The following TCHP variants were observed in gnomAD, a reference collection of about 807,000 sequenced individuals.
TCHP encodes trichoplein keratin filament-binding protein.
A neutral mutation model predicts 88.7 loss-of-function variants in TCHP; 81 were observed. The ratio of observed to expected loss-of-function variants is 0.91; its 90% CI spans 0.76 to 1.10. TCHP has a LOEUF of 1.10. Among genes scored for constraint, TCHP ranks in the 50% least tolerant of loss-of-function variants. The probability of loss-of-function intolerance (pLI) is 0.00; values close to 1 mark genes in which losing one functional copy is unlikely to be tolerated. For missense variants in TCHP, 641 were observed against 632.1 expected (o/e 1.01, Z -0.15); for synonymous variants, 232 against 232.5 (o/e 1.00, Z 0.02).
In TCHP at chr12:109,903,778, A is replaced by G. The variant is rs1275067609; in HGVS notation, c.189-159A>G. On this transcript the variant is annotated intron_variant, in intron 2 of 12. Coordinates refer to ENST00000405876, the MANE Select transcript of TCHP (RefSeq NM_001143852.2). This position sits in a 1 kb window ranked among gnomAD's most constrained non-coding sequence, Gnocchi z 4.6. ...TGCAAAAAACAAGATTTTCTCTTAC[A>G]CATACTATTCTGTGACCTGCTGTCT... 6.6e-6 allele frequency among the ~76,000 whole-genome samples: 1 copy of G among 152,188 alleles called. No homozygotes were observed. Among genetic ancestry groups the G allele is most frequent in the Non-Finnish European group, 1.5e-5 (1 of 68,030 alleles).
Position 109,911,215 on chromosome 12 carries a change from A to G in TCHP, c.1032A>G (p.Ala344=), listed in dbSNP as rs1257440061. The G allele has an allele frequency of 6.3e-7, 1 of 1,577,482 alleles. No individual in the cohort carries two copies. The highest frequency in any genetic ancestry group is 2.3e-5 in the East Asian group (1 of 43,672). The change falls in exon 9 of 13, where the codon GCA becomes GCG. Residue 344 remains alanine, a synonymous_variant. Coordinates refer to ENST00000405876, the MANE Select transcript of TCHP (RefSeq NM_001143852.2). ...EQLQLERARE[A]ELQMLLREEA... is the part of the protein sequence containing the mutation. ...TGCAGCTGGAGCGGGCGCGGGAGGC[A>G]GAGCTGCAGATGCTGCTGAGGTGAG...
chr12:109,903,132 C>T lies in TCHP; in HGVS notation c.106C>T (p.Gln36Ter), dbSNP rs764734241. The change falls in exon 2 of 13, where the codon CAG (glutamine) becomes TAG (stop). Residue 36 changes from glutamine (Q) to a stop codon, truncating the protein, a stop_gained. Coordinates refer to ENST00000405876, the MANE Select transcript of TCHP (RefSeq NM_001143852.2). LOFTEE classifies it high-confidence loss of function. This position sits in a 1 kb window ranked among gnomAD's most constrained non-coding sequence, Gnocchi z 4.6. Reference sequence around the variant, plus strand: ...GGCCCGGCTTCGGCAGCAGTGGGAGCAGAACAGCCGTTACTTCAGGATGTC... The same window carrying T: ...GGCCCGGCTTCGGCAGCAGTGGGAGTAGAACAGCCGTTACTTCAGGATGTC... ...QEARLRQQWE[Q>*]NSRYFRMSDI... The T allele has an allele frequency of 1.2e-6, 2 of 1,613,866 alleles. No homozygotes were observed. The highest frequency in any genetic ancestry group is 3.3e-5 in the Admixed American group (2 of 59,988).
At position 109,903,337 on chromosome 12, in the gene TCHP, G is replaced by A; in HGVS notation, c.188+123G>A. On this transcript the variant is annotated intron_variant, in intron 2 of 12. Coordinates refer to ENST00000405876, the MANE Select transcript of TCHP (RefSeq NM_001143852.2). The surrounding 1 kb of genome is among the most constrained non-coding windows in gnomAD (Gnocchi z 4.6). ...CAGTATGAATTACCTGCATGGTGATGTTTTTCCAGCTGGAAATGGAAAAAA... is the reference window on the plus strand; with the variant it reads ...CAGTATGAATTACCTGCATGGTGATATTTTTCCAGCTGGAAATGGAAAAAA... The A allele has an allele frequency of 1.2e-6, 1 of 853,932 alleles. No individual in the cohort carries two copies. The highest frequency in any genetic ancestry group is 1.8e-6 in the Non-Finnish European group (1 of 571,370). The allele number at this position is 853,932 out of a possible 1,614,324, so 52.9% of individuals were successfully genotyped here.
the TCHP span, among the ~76,000 whole-genome samples, chr12:109,882,525 AG>A: frequency 6.6e-6 from 1 of 150,974 alleles, no homozygotes; most frequent in East Asian, 1.9e-4. Flanking sequence ...TCGGGGGGCC[AG>A]GGGAGGAAAT....
the TCHP span, among the ~76,000 whole-genome samples, chr12:109,893,222 A>G: frequency 6.6e-6 from 1 of 152,066 alleles, no homozygotes; most frequent in Non-Finnish European, 1.5e-5. Flanking sequence ...TCTACTAAAA[A>G]TACAAAATTA....
At chr12:109,889,255 C>T in the TCHP span, among the ~76,000 whole-genome samples, 20 of 152,134 alleles carry the variant, frequency 1.3e-4, no homozygotes, top group African/African-American at 4.3e-4. Context: ...AGGCAGATCA[C>T]GAGGTCAGGA....
chr12:109,886,471 A>C, the TCHP span, among the ~76,000 whole-genome samples: 10 of 151,932 alleles, frequency 6.6e-5, no homozygotes, highest in African/African-American at 2.4e-4. Context: ...AAATTGTCCA[A>C]GATTTGGCCA....
At chr12:109,901,579 A>G (rs1219786198) in intron 1 of TCHP, among the ~76,000 whole-genome samples, 1 of 152,264 alleles carries the variant, frequency 6.6e-6, no homozygotes, top group African/African-American at 2.4e-5. Flanking sequence ...GATTTTGCTC[A>G]AAAGATAACA....
intron 1 of TCHP, among the ~76,000 whole-genome samples, chr12:109,902,640 ATTTTTTGTAT>A (rs1368458009): frequency 6.6e-6 from 1 of 151,988 alleles, no homozygotes; most frequent in East Asian, 1.9e-4. Context: ...CGCCTGGCTA[ATTTTTTGTAT>A]TTTTAGTGGA....
chr12:109,895,210 T>TG, the TCHP span, among the ~76,000 whole-genome samples: 1 of 150,430 alleles, frequency 6.6e-6, no homozygotes, highest in Non-Finnish European at 1.5e-5. Flanking sequence ...AATTACTTTT[T>TG]TTTTTTTTTT....
chr12:109,916,731 C>A lies in TCHP; in HGVS notation c.*108C>A. On this transcript the variant is annotated 3_prime_UTR_variant, in exon 13 of 13. Coordinates refer to ENST00000405876, the MANE Select transcript of TCHP (RefSeq NM_001143852.2). Reference sequence around the variant, plus strand: ...TAACAGTAAGTGCCCGGGGCACTGTCAGATGGCTCAGCAGTGCCTGCTCAG... The same window carrying A: ...TAACAGTAAGTGCCCGGGGCACTGTAAGATGGCTCAGCAGTGCCTGCTCAG... The A allele has an allele frequency of 1.9e-6, 2 of 1,036,360 alleles. No homozygotes were observed. Among genetic ancestry groups the A allele is most frequent in the South Asian group, 3.0e-5 (2 of 67,562 alleles). 64.2% of individuals were successfully genotyped at this position (1,036,360 alleles called of 1,614,324 possible). A position where few individuals can be genotyped will look rare whatever the true frequency, so the allele number is the denominator to read the frequency against.
chr12:109,907,870 C>T (rs1188089368), intron 6 of TCHP, among the ~76,000 whole-genome samples, 171 bp downstream of exon 6: 1 of 152,260 alleles, frequency 6.6e-6, no homozygotes. Flanking sequence ...CTTGTGCTTT[C>T]CCATCCTCCT....
At chr12:109,894,679 C>T in the TCHP span, among the ~76,000 whole-genome samples, 5 of 145,950 alleles carry the variant, frequency 3.4e-5, no homozygotes, top group Admixed American at 1.4e-4. Flanking sequence ...GCAGGAGAAT[C>T]GCTTAAACCC....
chr12:109,881,645 A>G, the TCHP span, among the ~76,000 whole-genome samples: 1 of 152,314 alleles, frequency 6.6e-6, no homozygotes, highest in East Asian at 1.9e-4. Flanking sequence ...CAAGATGCCA[A>G]GTACCTGGAC....
At chr12:109,904,179 G>T in intron 3 of TCHP, 32 bp downstream of exon 3, 1 of 1,541,878 alleles carries the variant, frequency 6.5e-7, no homozygotes, top group South Asian at 1.2e-5. Flanking sequence ...GGAGGCTGTG[G>T]AGCAGGAGTG....
At chr12:109,908,810 C>CT (rs1870310220) in intron 7 of TCHP, 61 bp from the exon 8 acceptor site, 1 of 1,586,660 alleles carries the variant, frequency 6.3e-7, no homozygotes, top group Admixed American at 1.7e-5. Context: ...CAGCAGTTAT[C>CT]TAACTTCTAT....
intron 1 of TCHP, chr12:109,900,822 C>T (rs554467870): frequency 2.0e-5 from 3 of 152,316 alleles, no homozygotes; most frequent in Non-Finnish European, 4.4e-5. Context: ...GTGTTTGCCC[C>T]CAAAACTGGA....
intron 6 of TCHP, 138 bp downstream of exon 6, chr12:109,907,837 C>T: frequency 1.1e-6 from 1 of 881,426 alleles, no homozygotes; most frequent in South Asian, 1.8e-5. Flanking sequence ...CGGGTTCTCC[C>T]TCTCACATGC....
Position 109,917,261 on chromosome 12 carries a change from T to A in TCHP, c.*638T>A, listed in dbSNP as rs1462241240. 1 of 152,194 alleles carries A rather than the reference T, an allele frequency of 6.6e-6. No homozygotes were observed. The highest frequency in any genetic ancestry group is 2.4e-5 in the African/African-American group (1 of 41,442). 9.4% of individuals were successfully genotyped at this position (152,194 alleles called of 1,614,324 possible). A position where few individuals can be genotyped will look rare whatever the true frequency, so the allele number is the denominator to read the frequency against. Reference sequence around the variant, plus strand: ...TCCTCCAGGAAGCATTTTGGTAGAATTTCCATAGAGCATTGTCTGTGAGTG... The same window carrying A: ...TCCTCCAGGAAGCATTTTGGTAGAAATTCCATAGAGCATTGTCTGTGAGTG... On this transcript the variant is annotated 3_prime_UTR_variant, in exon 13 of 13. Transcript: ENST00000405876.
Sources: allele counts gnomAD v4.1 joint callset (sites outside exome capture counted in the v4.1 genomes callset), GRCh38; gene constraint gnomAD v4.1.1; non-coding constraint Gnocchi (gnomAD v3.1); transcripts MANE v1.5; gene names NCBI Gene and HGNC (gene_info 2026-07-23, HGNC 2026-07-21).